The following FOXP1 variants were observed in gnomAD, a reference collection of about 807,000 sequenced individuals.
FOXP1 encodes forkhead box P1.
Under a neutral mutation model 98.2 loss-of-function variants are expected in FOXP1, and 15 were observed. That is an observed-to-expected ratio of 0.15 (90% CI 0.10 to 0.24). FOXP1 has a LOEUF of 0.24. Among genes scored for constraint, FOXP1 ranks in the 10% least tolerant of loss-of-function variants. The probability of loss-of-function intolerance (pLI) is 1.00; values close to 1 mark genes in which losing one functional copy is unlikely to be tolerated. For synonymous variants in FOXP1, 371 were observed against 314.5 expected, an observed-to-expected ratio of 1.18 and a Z score of -1.90; for missense variants, 633 against 848.5, an observed-to-expected ratio of 0.75 and a Z score of 3.15.
At chr3:71,548,590 G>C (rs1321614252) in intron 2 of FOXP1, among the ~76,000 whole-genome samples, 1 of 151,994 alleles carries the variant, frequency 6.6e-6, no homozygotes, top group Non-Finnish European at 1.5e-5. Context: ...GTAGAGATGG[G>C]GTTTCACCAT....
intron 5 of FOXP1, among the ~76,000 whole-genome samples, chr3:71,269,925 A>G (rs1653982): frequency 6.6e-6 from 1 of 151,984 alleles, no homozygotes; most frequent in Non-Finnish European, 1.5e-5. Context: ...TTAGAAACCA[A>G]TAAGTTAGAG....
intron 13 of FOXP1, among the ~76,000 whole-genome samples, chr3:70,998,280 A>G (rs1477554760): frequency 3.3e-5 from 5 of 152,242 alleles, no homozygotes; most frequent in Non-Finnish European, 7.3e-5. Flanking sequence ...ATGAATGGGC[A>G]TGAGTATGGC....
intron 6 of FOXP1, among the ~76,000 whole-genome samples, chr3:71,131,787 A>C (rs1350056661): frequency 6.6e-6 from 1 of 152,242 alleles, no homozygotes; most frequent in Non-Finnish European, 1.5e-5. Flanking sequence ...ATGTCGCCTG[A>C]GTATTACAAT....
At chr3:71,502,980 GA>G (rs3037713) in intron 2 of FOXP1, among the ~76,000 whole-genome samples, 1 of 141,490 alleles carries the variant, frequency 7.1e-6, no homozygotes. Context: ...TTTACAATTA[GA>G]AAAAAAAAAA....
intron 4 of FOXP1, chr3:71,304,826 T>G (rs1010577215): frequency 1.3e-5 from 2 of 149,142 alleles, no homozygotes; most frequent in Non-Finnish European, 3.0e-5. Flanking sequence ...TTTATTTAAA[T>G]TCTCACAGTT....
chr3:71,289,060 A>T (rs144675237), intron 5 of FOXP1, among the ~76,000 whole-genome samples: 1 of 130,634 alleles, frequency 7.7e-6, no homozygotes, highest in East Asian at 2.0e-4. Context: ...TTTGAGATGG[A>T]GTCTCTCTCT....
chr3:71,172,494 A>C (rs571963128), intron 6 of FOXP1, among the ~76,000 whole-genome samples: 1 of 152,268 alleles, frequency 6.6e-6, no homozygotes, highest in South Asian at 2.1e-4. Context: ...AGGCATTTTG[A>C]CCTATAACAC....
At chr3:71,185,229 T>TA (rs2108304097) in intron 6 of FOXP1, among the ~76,000 whole-genome samples, 1 of 151,500 alleles carries the variant, frequency 6.6e-6, no homozygotes, top group South Asian at 2.1e-4. Flanking sequence ...ACTATGCCAG[T>TA]ACAGATTTTT....
chr3:71,242,677 G>A (rs960255538), intron 5 of FOXP1, among the ~76,000 whole-genome samples: 2 of 150,394 alleles, frequency 1.3e-5, no homozygotes, highest in African/African-American at 2.5e-5. Flanking sequence ...TCTTAACAAC[G>A]TACCCCATAT....
At chr3:71,453,509 T>C (rs910836596) in intron 3 of FOXP1, among the ~76,000 whole-genome samples, 1 of 152,198 alleles carries the variant, frequency 6.6e-6, no homozygotes, top group Admixed American at 6.5e-5. Context: ...TAGGCTGTAA[T>C]AGGATTTCAA....
intron 3 of FOXP1, among the ~76,000 whole-genome samples, chr3:71,441,356 C>A (rs574670279): frequency 6.6e-6 from 1 of 152,224 alleles, no homozygotes; most frequent in African/African-American, 2.4e-5. Context: ...CACATCCCAC[C>A]GTGCACAGCA....
chr3:71,391,196 G>A (rs2081004870), intron 3 of FOXP1, among the ~76,000 whole-genome samples: 1 of 152,080 alleles, frequency 6.6e-6, no homozygotes, highest in Non-Finnish European at 1.5e-5. Flanking sequence ...ACTTTGTCAG[G>A]TTTCAATATT....
intron 5 of FOXP1, among the ~76,000 whole-genome samples, chr3:71,290,682 T>C (rs1394096597): frequency 1.3e-5 from 2 of 152,174 alleles, no homozygotes; most frequent in Admixed American, 6.5e-5. Flanking sequence ...CACTGTTATG[T>C]TGTCTCTTAC....
intron 5 of FOXP1, among the ~76,000 whole-genome samples, chr3:71,270,872 G>A (rs1427659743): frequency 1.4e-5 from 2 of 138,080 alleles, no homozygotes; most frequent in Non-Finnish European, 3.1e-5. Flanking sequence ...ATGCCATTAG[G>A]CAAGTTATAT....
chr3:71,451,187 C>A (rs546924939), intron 3 of FOXP1, among the ~76,000 whole-genome samples: 5 of 152,266 alleles, frequency 3.3e-5, no homozygotes, highest in African/African-American at 1.2e-4. Context: ...GGCTGTGTTA[C>A]GCATGGACAC....
chr3:70,997,798 T>C (rs1164214111), intron 13 of FOXP1, among the ~76,000 whole-genome samples: 1 of 152,190 alleles, frequency 6.6e-6, no homozygotes, highest in Non-Finnish European at 1.5e-5. Context: ...TACTCTGCAG[T>C]AGCTCCAGCA....
intron 5 of FOXP1, among the ~76,000 whole-genome samples, chr3:71,283,570 T>C (rs2071792550): frequency 6.6e-6 from 1 of 152,146 alleles, no homozygotes; most frequent in Non-Finnish European, 1.5e-5. Context: ...CCTTTTTTAT[T>C]TTAGCTGCTG....
intron 14 of FOXP1, among the ~76,000 whole-genome samples, chr3:70,982,010 T>C (rs548491246): frequency 1.3e-5 from 2 of 152,350 alleles, no homozygotes; most frequent in South Asian, 4.1e-4. Context: ...TCTTAACTTT[T>C]AAACTTCTGT....
chr3:70,978,151 ATGTT>A, intron 14 of FOXP1, 122 bp from the exon 15 acceptor site: 1 of 779,286 alleles, frequency 1.3e-6, no homozygotes, highest in Non-Finnish European at 2.2e-6. Context: ...TGTAGATGGT[ATGTT>A]TACCATGAAC....
Sources: gnomAD v4.1 joint callset for allele counts (sites outside exome capture counted in the v4.1 genomes callset) on GRCh38, gnomAD v4.1.1 for gene constraint, MANE v1.5 for transcripts, NCBI Gene and HGNC (gene_info 2026-07-23, HGNC 2026-07-21) for gene names.